The following CDADC1 variants were observed in gnomAD, a reference collection of about 807,000 sequenced individuals.
The protein encoded by CDADC1 is dCTP deaminase.
Under a neutral mutation model 54.9 loss-of-function variants are expected in CDADC1, and 39 were observed. The observed-to-expected ratio is 0.71, with a 90% confidence interval of 0.55 to 0.93. The LOEUF (loss-of-function observed/expected upper bound fraction) is 0.93, where lower values mean the gene tolerates loss of function less well. Ranked by LOEUF, CDADC1 falls within the 40% of genes least tolerant of loss-of-function variation. The probability of loss-of-function intolerance (pLI) is 0.00; values close to 1 mark genes in which losing one functional copy is unlikely to be tolerated. For missense variants in CDADC1, 518 were observed against 618.8 expected (o/e 0.84, Z 1.73); for synonymous variants, 186 against 204.0 (o/e 0.91, Z 0.75).
rs756472375 is a variant in CDADC1 at position 49,247,959 on chromosome 13, C to A, written c.-79C>A. Reference sequence around the variant, plus strand: ...TTGCCTTACAGTTGCTGAGAGGAGGCGAGAGGCGGGGGCGCTAGGGCCGAG... The same window carrying A: ...TTGCCTTACAGTTGCTGAGAGGAGGAGAGAGGCGGGGGCGCTAGGGCCGAG... On this transcript the variant is annotated 5_prime_UTR_variant, in exon 1 of 10. Coordinates refer to ENST00000251108, the MANE Select transcript of CDADC1 (RefSeq NM_030911.4). The A allele has an allele frequency of 7.6e-7, 1 of 1,313,954 alleles. No homozygotes were observed. Among genetic ancestry groups the A allele is most frequent in the Admixed American group, 2.0e-5 (1 of 50,504 alleles). 81.4% of individuals were successfully genotyped at this position (1,313,954 alleles called of 1,614,324 possible).
At chr13:49,265,944 T>C in intron 4 of CDADC1, 8 of 1,302,280 alleles carry the variant, frequency 6.1e-6, no homozygotes, top group Non-Finnish European at 8.1e-6. Flanking sequence ...AGGAAATGGA[T>C]TATGAGAACT....
intron 1 of CDADC1, chr13:49,248,324 A>G: frequency 1.8e-6 from 1 of 547,582 alleles, no homozygotes; most frequent in Non-Finnish European, 3.3e-6. Flanking sequence ...CTCGCTTTTT[A>G]CCCCTGTTAG....
At chr13:49,289,082 A>G (rs1351257875) in intron 9 of CDADC1, among the ~76,000 whole-genome samples, 3 of 149,512 alleles carry the variant, frequency 2.0e-5, no homozygotes, top group Non-Finnish European at 4.4e-5. Flanking sequence ...AGTCAGAGAA[A>G]TGCAAATTAA....
intron 7 of CDADC1, 44 bp downstream of exon 7, chr13:49,278,563 G>T: frequency 7.7e-7 from 1 of 1,291,346 alleles, no homozygotes. Context: ...AATGTAGCAA[G>T]GGTTGGTTGA....
chr13:49,254,050 A>G (rs775847822), intron 2 of CDADC1, among the ~76,000 whole-genome samples: 1 of 152,216 alleles, frequency 6.6e-6, no homozygotes, highest in South Asian at 2.1e-4. Flanking sequence ...AATGGGAATA[A>G]TAGGAGCTAC....
intron 5 of CDADC1, among the ~76,000 whole-genome samples, chr13:49,273,335 A>G (rs1443266375): frequency 6.6e-6 from 1 of 152,200 alleles, no homozygotes; most frequent in African/African-American, 2.4e-5. Context: ...GTTCACAGAT[A>G]ATTGTTATTT....
intron 6 of CDADC1, among the ~76,000 whole-genome samples, chr13:49,274,878 G>A (rs577258857): frequency 6.6e-6 from 1 of 152,232 alleles, no homozygotes; most frequent in South Asian, 2.1e-4. Flanking sequence ...TGGAGATGTA[G>A]AAGTAAAATA....
chr13:49,289,453 T>C lies in CDADC1; in HGVS notation c.1472-2231T>C, dbSNP rs188775307. On this transcript the variant is annotated intron_variant, in intron 9 of 9. Coordinates refer to ENST00000251108, the MANE Select transcript of CDADC1 (RefSeq NM_030911.4). The stretch of plus-strand genomic sequence containing the variant: ...TGAAATAGCATTTTTTATAAGCGTA[T>C]GCCCTAGAGAAACTCTTGCATATTG... Among the ~76,000 whole-genome samples, 4 of 152,276 alleles carry C rather than the reference T, an allele frequency of 2.6e-5. No individual in the cohort carries two copies. In the East Asian group the frequency reaches 7.7e-4, roughly 29 times the overall value.
rs1953714880 is a variant in CDADC1, at chr13:49,291,801, T to G, written c.*44T>G. 6.3e-7 allele frequency: 1 copy of G among 1,585,666 alleles called. No individual in the cohort carries two copies. The highest frequency in any genetic ancestry group is 2.2e-5 in the East Asian group (1 of 44,500). ...CAGGGGAACCTCAAGAACTTTTCAT[T>G]GCACTTCTAAAATTCAGCCTTGTTC... On this transcript the variant is annotated 3_prime_UTR_variant, in exon 10 of 10. Coordinates refer to ENST00000251108, the MANE Select transcript of CDADC1 (RefSeq NM_030911.4).
At chr13:49,248,348 G>T in intron 1 of CDADC1, 1 of 492,050 alleles carries the variant, frequency 2.0e-6, no homozygotes, top group Non-Finnish European at 3.7e-6. Flanking sequence ...CTTCTCACAG[G>T]ACCTAGAGCT....
chr13:49,270,438 G>A (rs1049659099), intron 5 of CDADC1, among the ~76,000 whole-genome samples: 1 of 152,014 alleles, frequency 6.6e-6, no homozygotes, highest in African/African-American at 2.4e-5. Flanking sequence ...AGCTGGTCTC[G>A]AACTCCTTGG....
In CDADC1 at chr13:49,255,853, A is replaced by G. The variant is rs754069293; in HGVS notation, c.192A>G (p.Gly64=). 5 of 1,611,020 alleles carry G rather than the reference A, an allele frequency of 3.1e-6. No homozygotes were observed. The East Asian group carries it at 1.1e-4, about 36-fold the overall frequency. ...ATTTTTATTAGAAAAATGAAGAGGG[A>G]AAGCATGGACCCTTAGGAGATAATG... ...QRQKSQKNEE[G]KHGPLGDNEE... Residue 64 remains glycine, a synonymous_variant, in exon 3 of 10, where the codon GGA becomes GGG. Coordinates refer to ENST00000251108, the MANE Select transcript of CDADC1 (RefSeq NM_030911.4).
At position 49,292,436 on chromosome 13, in the gene CDADC1, C is replaced by G. The variant is rs1953738558; in HGVS notation, c.*679C>G. 8 of 1,008,250 alleles carry G rather than the reference C, an allele frequency of 7.9e-6. No individual in the cohort carries two copies. The highest frequency in any genetic ancestry group is 9.5e-6 in the Non-Finnish European group (8 of 843,684). The allele number at this position is 1,008,250 out of a possible 1,614,324, so 62.5% of individuals were successfully genotyped here. ...TTGATATCACTGACTCTTGAAATCA[C>G]TAACAGTGAACCTCAAATTTGGTTA... On this transcript the variant is annotated 3_prime_UTR_variant, in exon 10 of 10. Transcript: ENST00000251108.
At chr13:49,248,594 T>C in intron 1 of CDADC1, 1 of 387,662 alleles carries the variant, frequency 2.6e-6, no homozygotes. Flanking sequence ...TGCTTTGGGT[T>C]GTCCCCCTCA....
Position 49,248,966 on chromosome 13 carries a change from G to A in CDADC1, c.177+1G>A. The A allele has an allele frequency of 1.9e-6, 3 of 1,583,364 alleles. No individual in the cohort carries two copies. Among genetic ancestry groups the A allele is most frequent in the Non-Finnish European group, 2.6e-6 (3 of 1,152,206 alleles). On this transcript the variant is annotated splice_donor_variant, in intron 2 of 9. Transcript: ENST00000251108. LOFTEE classifies it high-confidence loss of function. The stretch of plus-strand genomic sequence containing the variant: ...AGAAGCCCAGCGGCAAAAATCTCAG[G>A]TATAATTTGTTTCATAGTTTTTCCC...
intron 2 of CDADC1, among the ~76,000 whole-genome samples, chr13:49,250,281 A>G (rs1952395269): frequency 1.3e-5 from 2 of 152,196 alleles, no homozygotes; most frequent in Admixed American, 1.3e-4. Context: ...TACTCTTTTC[A>G]TTTTACTGTG....
intron 6 of CDADC1, among the ~76,000 whole-genome samples, chr13:49,276,365 G>T (rs1953133772): frequency 6.6e-6 from 1 of 152,180 alleles, no homozygotes; most frequent in Non-Finnish European, 1.5e-5. Context: ...TTAATAAAAA[G>T]AGATGAGGAC....
rs200074120 is a variant in CDADC1 at position 49,267,878 on chromosome 13, G to A, written c.819G>A (p.Arg273=). Residue 273 remains arginine (R), a synonymous_variant, in exon 5 of 10, where the codon AGG becomes AGA. Coordinates refer to ENST00000251108, the MANE Select transcript of CDADC1 (RefSeq NM_030911.4). The stretch of plus-strand genomic sequence containing the variant: ...AAAATCCATACTTTAGCAATCTAAG[G>A]CAAAACATGAAAGACCTTATCCTAC... The part of the protein sequence containing the change: ...LCENPYFSNL[R]QNMKDLILLL... The A allele has an allele frequency of 5.0e-6, 8 of 1,614,064 alleles. No individual in the cohort carries two copies. The Admixed American group carries it at 1.2e-4, about 24-fold the overall frequency.
chr13:49,285,817 T>C (rs1398280665), intron 8 of CDADC1, among the ~76,000 whole-genome samples: 1 of 65,880 alleles, frequency 1.5e-5, no homozygotes, highest in East Asian at 8.1e-4. Context: ...ATTTTTTTAA[T>C]TTTTTTTTTT....
Sources: gnomAD v4.1 joint callset for allele counts (sites outside exome capture counted in the v4.1 genomes callset) on GRCh38, gnomAD v4.1.1 for gene constraint, MANE v1.5 for transcripts, NCBI Gene and HGNC (gene_info 2026-07-23, HGNC 2026-07-21) for gene names.